Variants in LDLRAD4 observed in about 807,000 individuals in gnomAD.
The protein encoded by LDLRAD4 is low-density lipoprotein receptor class A domain-containing protein 4.
LDLRAD4 carries 5 observed loss-of-function variants against 17.0 expected under a neutral mutation model. The observed-to-expected ratio is 0.29, with a 90% CI of 0.15 to 0.62. The LOEUF (loss-of-function observed/expected upper bound fraction) is 0.62, where lower values mean the gene tolerates loss of function less well. LDLRAD4 is among the 20% of genes least tolerant of loss of function. The pLI, the probability that LDLRAD4 is intolerant of heterozygous loss-of-function variation, is 0.84. For missense variants in LDLRAD4, 340 were observed against 424.7 expected (o/e 0.80, Z 1.75); for synonymous variants, 168 against 171.8 (o/e 0.98, Z 0.17).
At chr18:13,392,784 G>A (rs1445064196) in intron 2 of LDLRAD4, among the ~76,000 whole-genome samples, 1 of 152,100 alleles carries the variant, frequency 6.6e-6, no homozygotes, top group Non-Finnish European at 1.5e-5. Flanking sequence ...CAAATAACTA[G>A]GTAAGTGAAT....
At chr18:13,406,705 TG>T (rs577696824) in intron 2 of LDLRAD4, among the ~76,000 whole-genome samples, 31 of 152,252 alleles carry the variant, frequency 2.0e-4, no homozygotes, top group African/African-American at 7.0e-4. Flanking sequence ...CGGTGCAGGC[TG>T]GGGCCGACTC....
At chr18:13,240,574 A>G (rs970057038) in intron 1 of LDLRAD4, 4 of 152,482 alleles carry the variant, frequency 2.6e-5, no homozygotes, top group African/African-American at 4.8e-5. Context: ...GTGTGCATGC[A>G]TGTGCGTGTG....
chr18:13,439,742 C>A (rs533706445), intron 3 of LDLRAD4, among the ~76,000 whole-genome samples: 2 of 152,288 alleles, frequency 1.3e-5, no homozygotes, highest in East Asian at 1.9e-4. Flanking sequence ...AGGAAGGCTG[C>A]AGGTCAGGAT....
chr18:13,290,327 G>A (rs915186711), intron 1 of LDLRAD4, among the ~76,000 whole-genome samples: 3 of 152,198 alleles, frequency 2.0e-5, no homozygotes, highest in Non-Finnish European at 2.9e-5. Context: ...CTTGCAGATA[G>A]TTTCAGAGTT....
intron 3 of LDLRAD4, among the ~76,000 whole-genome samples, chr18:13,478,190 G>A (rs746793): frequency 0.41 from 62,955 of 152,046 alleles, 14,227 homozygotes; most frequent in Non-Finnish European, 0.51. Flanking sequence ...AGAGCCTGCA[G>A]CATTGGCATC....
intron 3 of LDLRAD4, among the ~76,000 whole-genome samples, chr18:13,534,652 A>G (rs1350242715): frequency 1.3e-5 from 2 of 152,090 alleles, no homozygotes; most frequent in African/African-American, 2.4e-5. Context: ...GATATTTGCT[A>G]TCTATTGTGG....
Position 13,387,610 on chromosome 18 carries a change from C to G in LDLRAD4, c.-113C>G, listed in dbSNP as rs919836478. ...CCGCGGATGCTCCCAGAGGCCGGCCCAGCAGAGCGATGGACTTGGACAGGC... is the reference window on the plus strand; with the variant it reads ...CCGCGGATGCTCCCAGAGGCCGGCCGAGCAGAGCGATGGACTTGGACAGGC... On this transcript the variant is annotated 5_prime_UTR_variant, in exon 2 of 6. Transcript: ENST00000359446. The G allele has an allele frequency of 2.0e-5, 20 of 988,814 alleles. No individual in the cohort carries two copies. In the Admixed American group the frequency reaches 2.3e-4, roughly 11 times the overall value. The allele number at this position is 988,814 out of a possible 1,614,324, so 61.3% of individuals were successfully genotyped here.
At chr18:13,400,864 C>T (rs775204298) in intron 2 of LDLRAD4, among the ~76,000 whole-genome samples, 20 of 152,146 alleles carry the variant, frequency 1.3e-4, no homozygotes, top group Non-Finnish European at 2.5e-4. Context: ...TGCTGTATAC[C>T]AGACACTGTA....
At chr18:13,244,091 A>C in intron 1 of LDLRAD4, among the ~76,000 whole-genome samples, 2 of 138,394 alleles carry the variant, frequency 1.4e-5, no homozygotes, top group Non-Finnish European at 3.1e-5. Flanking sequence ...ACCACCATCT[A>C]CCCATCCATC....
chr18:13,234,598 G>C (rs1334194871), intron 1 of LDLRAD4, among the ~76,000 whole-genome samples: 3 of 152,202 alleles, frequency 2.0e-5, no homozygotes, highest in Non-Finnish European at 2.9e-5. Context: ...TGGGCACCAG[G>C]TGTGGGTGTG....
At chr18:13,426,482 T>C (rs1172116911) in intron 2 of LDLRAD4, among the ~76,000 whole-genome samples, 1 of 152,192 alleles carries the variant, frequency 6.6e-6, no homozygotes, top group Non-Finnish European at 1.5e-5. Context: ...GAGGTTCCCA[T>C]CTCTCTGCCC....
intron 3 of LDLRAD4, among the ~76,000 whole-genome samples, chr18:13,500,316 GCC>G (rs1171182959): frequency 2.0e-5 from 3 of 152,176 alleles, no homozygotes; most frequent in Non-Finnish European, 4.4e-5. Context: ...CCTCTGGAGC[GCC>G]TCCTCTGCCC....
chr18:13,540,935 T>G (rs2094273096), intron 3 of LDLRAD4, among the ~76,000 whole-genome samples: 1 of 152,190 alleles, frequency 6.6e-6, no homozygotes, highest in African/African-American at 2.4e-5. Flanking sequence ...ATGTGGGCAC[T>G]GAGCAGAGCC....
Position 13,621,162 on chromosome 18 carries a change from C to T in LDLRAD4, c.227C>T (p.Thr76Met), listed in dbSNP as rs767854509. The change falls in exon 4 of 6, where the codon ACG becomes ATG. Residue 76 changes from threonine (T) to methionine (M), a missense_variant. Physicochemically the swap from Thr to Met is moderately conservative, Grantham distance 81. Transcript: ENST00000359446. The surrounding 1 kb of genome is among the most constrained non-coding windows in gnomAD (Gnocchi z 5.5). ...ATCATCATCATCGTCGTGGTGGTCACGGTGATGGTGGTGGTCATCGTCTGC... is the reference window on the plus strand; with the variant it reads ...ATCATCATCATCGTCGTGGTGGTCATGGTGATGGTGGTGGTCATCGTCTGC... The T allele has an allele frequency of 1.4e-5, 22 of 1,614,054 alleles. No homozygotes were observed. The highest frequency in any genetic ancestry group is 1.7e-5 in the Admixed American group (1 of 60,012).
At chr18:13,624,621 C>G (rs1252230997) in intron 4 of LDLRAD4, among the ~76,000 whole-genome samples, 1 of 152,188 alleles carries the variant, frequency 6.6e-6, no homozygotes, top group African/African-American at 2.4e-5. Flanking sequence ...GTATGAGGAC[C>G]TGTGTCTCCT....
rs1012231060 is a variant in LDLRAD4 at position 13,622,793 on chromosome 18, C to G, written c.336+1522C>G. Among the ~76,000 whole-genome samples, 1 of 152,200 alleles carries G rather than the reference C, an allele frequency of 6.6e-6. No individual in the cohort carries two copies. Among genetic ancestry groups the G allele is most frequent in the Non-Finnish European group, 1.5e-5 (1 of 68,024 alleles). On this transcript the variant is annotated intron_variant, in intron 4 of 5. Transcript: ENST00000359446. The surrounding 1 kb of genome is among the most constrained non-coding windows in gnomAD (Gnocchi z 5.3). The stretch of plus-strand genomic sequence containing the variant: ...TCAGAACCGCAGAAGGCTCAGACAT[C>G]GCTGCTTTGCCTTAATGTATTACGG...
chr18:13,531,598 T>TTC (rs1218220870), intron 3 of LDLRAD4, among the ~76,000 whole-genome samples: 1 of 150,134 alleles, frequency 6.7e-6, no homozygotes, highest in Admixed American at 6.6e-5. Context: ...TTTTTTTTTT[T>TTC]TTTTTTTTTA....
chr18:13,591,810 A>G (rs994113155), intron 3 of LDLRAD4, among the ~76,000 whole-genome samples: 9 of 152,242 alleles, frequency 5.9e-5, no homozygotes, highest in Non-Finnish European at 1.3e-4. Flanking sequence ...CCAATAAAAA[A>G]TAATGCACAC....
intron 1 of LDLRAD4, among the ~76,000 whole-genome samples, chr18:13,310,541 G>A (rs1198438603): frequency 6.6e-6 from 1 of 152,212 alleles, no homozygotes; most frequent in Non-Finnish European, 1.5e-5. Context: ...AACCAGGAAA[G>A]CCAGAGCAGG....
Sources: gnomAD v4.1 joint callset for allele counts (sites outside exome capture counted in the v4.1 genomes callset) on GRCh38, gnomAD v4.1.1 for gene constraint, Gnocchi (gnomAD v3.1) non-coding constraint, MANE v1.5 for transcripts, NCBI Gene and HGNC (gene_info 2026-07-23, HGNC 2026-07-21) for gene names.